MAGI1: variants seen among roughly 807,000 people sequenced by gnomAD.
The protein encoded by MAGI1 is membrane-associated guanylate kinase, WW and PDZ domain-containing protein 1.
Under a neutral mutation model 139.9 loss-of-function variants are expected in MAGI1, and 58 were observed. That is an observed-to-expected ratio of 0.41 (90% CI 0.34 to 0.52). MAGI1 has a LOEUF of 0.52. Ranked by LOEUF, MAGI1 falls within the 20% of genes least tolerant of loss-of-function variation. The pLI, the probability that MAGI1 is intolerant of heterozygous loss-of-function variation, is 0.12. For synonymous variants in MAGI1, 812 were observed against 737.9 expected, an observed-to-expected ratio of 1.10 and a Z score of -1.63; for missense variants, 1,874 against 1,901.6, an observed-to-expected ratio of 0.99 and a Z score of 0.27.
At chr3:65,624,974 G>A (rs1490904843) in intron 1 of MAGI1, among the ~76,000 whole-genome samples, 4 of 152,114 alleles carry the variant, frequency 2.6e-5, no homozygotes, top group Non-Finnish European at 5.9e-5. Context: ...CCAGACTCAA[G>A]CGATTTTCAT....
At chr3:65,611,278 T>G (rs1248501305) in intron 2 of MAGI1, among the ~76,000 whole-genome samples, 1 of 142,176 alleles carries the variant, frequency 7.0e-6, no homozygotes, top group African/African-American at 2.5e-5. Context: ...ATACTATAAA[T>G]AGTATAGTAT....
At chr3:65,725,099 T>A (rs2033458301) in intron 1 of MAGI1, among the ~76,000 whole-genome samples, 1 of 152,200 alleles carries the variant, frequency 6.6e-6, no homozygotes, top group Non-Finnish European at 1.5e-5. Context: ...AATATTTCAA[T>A]ATGCTTAGAA....
At chr3:65,683,668 ATATATATATG>A (rs1186968324) in intron 1 of MAGI1, among the ~76,000 whole-genome samples, 6 of 86,680 alleles carry the variant, frequency 6.9e-5, no homozygotes, top group South Asian at 5.4e-4. Context: ...ATATATATAT[ATATATATATG>A]TATGGCAAGC....
chr3:65,533,576 G>T (rs189605286), intron 2 of MAGI1, among the ~76,000 whole-genome samples: 1 of 152,060 alleles, frequency 6.6e-6, no homozygotes, highest in Non-Finnish European at 1.5e-5. Context: ...AAATTCCATC[G>T]GTGTACCATG....
chr3:65,845,663 A>C (rs1440591499), intron 1 of MAGI1, among the ~76,000 whole-genome samples: 1 of 152,188 alleles, frequency 6.6e-6, no homozygotes, highest in African/African-American at 2.4e-5. Flanking sequence ...TGTCTTTGCT[A>C]TGCCTTTGCA....
intron 2 of MAGI1, among the ~76,000 whole-genome samples, chr3:65,547,963 A>G (rs982877666): frequency 6.6e-6 from 1 of 152,242 alleles, no homozygotes; most frequent in African/African-American, 2.4e-5. Context: ...AAAGTTAAGA[A>G]CAATGTTCAA....
At chr3:65,653,373 A>G (rs2085694274) in intron 1 of MAGI1, among the ~76,000 whole-genome samples, 2 of 152,136 alleles carry the variant, frequency 1.3e-5, no homozygotes, top group Non-Finnish European at 1.5e-5. Flanking sequence ...TTTCTAAAAG[A>G]CGAATCTGAT....
intron 1 of MAGI1, among the ~76,000 whole-genome samples, chr3:65,975,235 T>C (rs182925550): frequency 4.5e-4 from 69 of 152,258 alleles, no homozygotes; most frequent in African/African-American, 1.6e-3. Flanking sequence ...AAGACTTGAC[T>C]CAGCAAACAC....
intron 2 of MAGI1, among the ~76,000 whole-genome samples, chr3:65,527,601 T>C (rs1445267068): frequency 6.6e-6 from 1 of 152,104 alleles, no homozygotes; most frequent in Non-Finnish European, 1.5e-5. Context: ...GGCAGACGCC[T>C]GTAGTCCCAG....
chr3:65,366,254 A>G (rs907137138), intron 18 of MAGI1, among the ~76,000 whole-genome samples: 1 of 152,216 alleles, frequency 6.6e-6, no homozygotes, highest in Non-Finnish European at 1.5e-5. Flanking sequence ...GAGACCTTGT[A>G]TAAGTTATTT....
intron 1 of MAGI1, among the ~76,000 whole-genome samples, chr3:65,754,046 A>G (rs1183086968): frequency 6.6e-6 from 1 of 152,032 alleles, no homozygotes; most frequent in Non-Finnish European, 1.5e-5. Flanking sequence ...AATCTTTCTC[A>G]TTGATCTTAG....
chr3:65,796,000 G>A lies in MAGI1; in HGVS notation c.314-173912C>T, dbSNP rs1378148508. On this transcript the variant is annotated intron_variant, in intron 1 of 22. Transcript: ENST00000402939. Reference sequence around the variant, plus strand: ...CAGGAGGCGGAAGGTGCAGTGAGCAGAGATCGTGCCACTGCACTCCAGCCT... The same window carrying A: ...CAGGAGGCGGAAGGTGCAGTGAGCAAAGATCGTGCCACTGCACTCCAGCCT... Among the ~76,000 whole-genome samples, 29 of 146,674 alleles carry A rather than the reference G, an allele frequency of 2.0e-4. No homozygotes were observed. In the Admixed American group the frequency reaches 2.0e-3, roughly 10 times the overall value.
intron 22 of MAGI1, chr3:65,360,365 T>TG (rs1321956087): frequency 1.0e-6 from 1 of 978,836 alleles, no homozygotes; most frequent in Non-Finnish European, 1.2e-6. Flanking sequence ...TTTTTTTTTT[T>TG]TTTAATTTTA....
intron 2 of MAGI1, among the ~76,000 whole-genome samples, chr3:65,566,446 T>TC (rs2080650341): frequency 6.6e-6 from 1 of 152,010 alleles, no homozygotes; most frequent in African/African-American, 2.4e-5. Flanking sequence ...TTTTTTTTTT[T>TC]TCCATAGTTA....
intron 1 of MAGI1, among the ~76,000 whole-genome samples, chr3:65,830,898 C>G (rs1401996078): frequency 6.6e-6 from 1 of 152,096 alleles, no homozygotes; most frequent in African/African-American, 2.4e-5. Flanking sequence ...GCATGCAAAA[C>G]TATGGAGAGG....
intron 8 of MAGI1, among the ~76,000 whole-genome samples, chr3:65,440,846 CAT>C (rs1553644409): frequency 3.1e-5 from 1 of 32,118 alleles, no homozygotes; most frequent in Non-Finnish European, 9.5e-5. Flanking sequence ...TACATATATA[CAT>C]ATGTATACAT....
chr3:65,836,717 G>T lies in MAGI1; in HGVS notation c.313+201279C>A, dbSNP rs565284704. 2.9e-3 allele frequency among the ~76,000 whole-genome samples: 447 copies of T among 152,224 alleles called. 1 individual carries two copies. The highest frequency in any genetic ancestry group is 4.9e-3 in the Non-Finnish European group (336 of 67,996). On this transcript the variant is annotated intron_variant, in intron 1 of 22. Coordinates refer to ENST00000402939, the MANE Select transcript of MAGI1 (RefSeq NM_001033057.2). ...GCCTATAATCCCAGCTACTCGGGTG[G>T]CTGAGGCAGAGAACTGCTTGAACCC...
chr3:65,793,346 G>A (rs1272608305), intron 1 of MAGI1, among the ~76,000 whole-genome samples: 2 of 152,202 alleles, frequency 1.3e-5, no homozygotes, highest in African/African-American at 4.8e-5. Context: ...TGTAAACAAT[G>A]ATAGCTAGTG....
chr3:65,478,566 T>C (rs1951045891), intron 4 of MAGI1, 26 bp downstream of exon 4: 1 of 1,605,486 alleles, frequency 6.2e-7, no homozygotes, highest in Non-Finnish European at 8.5e-7. Flanking sequence ...CCAGGTCCAT[T>C]GAGGGCAACA....
Sources: gnomAD v4.1 joint callset for allele counts (sites outside exome capture counted in the v4.1 genomes callset) on GRCh38, gnomAD v4.1.1 for gene constraint, MANE v1.5 for transcripts, NCBI Gene and HGNC (gene_info 2026-07-23, HGNC 2026-07-21) for gene names.